Variants in ELFN1 observed in about 807,000 individuals in gnomAD.
The protein encoded by ELFN1 is extracellular leucine rich repeat and fibronectin type III domain containing 1.
In ELFN1, 6 loss-of-function variants were observed where a neutral mutation model predicts 7.6. That is an observed-to-expected ratio of 0.79 (90% CI 0.43 to 1.56). The LOEUF is 1.56. Among genes scored for constraint, ELFN1 ranks in the 40% most tolerant of loss-of-function variants. The pLI, the probability that ELFN1 is intolerant of heterozygous loss-of-function variation, is 0.01. For synonymous variants in ELFN1, 657 were observed against 588.1 expected, an observed-to-expected ratio of 1.12 and a Z score of -1.70; for missense variants, 1,169 against 1,232.2, an observed-to-expected ratio of 0.95 and a Z score of 0.77.
chr7:1,727,381 T>C (rs897549193), intron 3 of ELFN1, among the ~76,000 whole-genome samples: 2 of 152,172 alleles, frequency 1.3e-5, no homozygotes, highest in Non-Finnish European at 2.9e-5. Flanking sequence ...CTCAGCTGTT[T>C]CCAGAGGCCA....
intron 2 of ELFN1, among the ~76,000 whole-genome samples, chr7:1,690,601 T>C (rs1779141454): frequency 6.7e-6 from 1 of 149,012 alleles, no homozygotes; most frequent in African/African-American, 2.5e-5. Flanking sequence ...GGTGGATGGA[T>C]GGATGAATGG....
chr7:1,743,848 T>A (rs1230266650), intron 3 of ELFN1, among the ~76,000 whole-genome samples: 2 of 152,158 alleles, frequency 1.3e-5, no homozygotes, highest in Admixed American at 1.3e-4. Flanking sequence ...CGCACATCCC[T>A]GGCCGCAGCC....
At chr7:1,710,792 G>A (rs946089902) in intron 3 of ELFN1, among the ~76,000 whole-genome samples, 1 of 152,244 alleles carries the variant, frequency 6.6e-6, no homozygotes, top group African/African-American at 2.4e-5. Flanking sequence ...CACTGCTGCT[G>A]TTAGCTCTGT....
At chr7:1,723,194 C>CA (rs1036778915) in intron 3 of ELFN1, among the ~76,000 whole-genome samples, 3 of 152,010 alleles carry the variant, frequency 2.0e-5, no homozygotes, top group Admixed American at 6.6e-5. Flanking sequence ...AACTCCATCT[C>CA]AAAAAAAATT....
At chr7:1,704,580 A>G (rs1019749894) in intron 2 of ELFN1, among the ~76,000 whole-genome samples, 19 of 152,134 alleles carry the variant, frequency 1.2e-4, no homozygotes, top group African/African-American at 4.3e-4. Flanking sequence ...CACCTACAGC[A>G]GTACTAGGTG....
At chr7:1,675,238 C>T (rs1017071632) in intron 1 of ELFN1, among the ~76,000 whole-genome samples, 7 of 152,224 alleles carry the variant, frequency 4.6e-5, no homozygotes, top group African/African-American at 1.7e-4. Context: ...CCAGTGGTAA[C>T]TTCTGTCAGA....
At chr7:1,709,705 T>C (rs1032707750) in intron 3 of ELFN1, among the ~76,000 whole-genome samples, 3 of 152,272 alleles carry the variant, frequency 2.0e-5, no homozygotes, top group African/African-American at 7.2e-5. Context: ...ACTTGCAGTA[T>C]GTATTTGAAG....
upstream of ELFN1, among the ~76,000 whole-genome samples, chr7:1,669,755 C>T (rs1419064757): frequency 6.6e-6 from 1 of 152,218 alleles, no homozygotes; most frequent in African/African-American, 2.4e-5. Flanking sequence ...GGTCCCTGCC[C>T]TCCCGGATAA....
At chr7:1,669,165 G>T (rs936139702), upstream of ELFN1, among the ~76,000 whole-genome samples, 1 of 152,236 alleles carries the variant, frequency 6.6e-6, no homozygotes, top group African/African-American at 2.4e-5. Context: ...GGCGTCGTGG[G>T]CGTTCATTCA....
rs957520778 is a variant in ELFN1, at chr7:1,673,758, G to T, written c.-549+3404G>T. On this transcript the variant is annotated intron_variant, in intron 1 of 3. Transcript: ENST00000424383. The surrounding 1 kb of genome is among the most constrained non-coding windows in gnomAD (Gnocchi z 4.7). The stretch of plus-strand genomic sequence containing the variant: ...GCCTCCTTTCCCTCGGAGATCAGCC[G>T]GTCCAGCCCCTGAAGATGGTCCAGC... 2.0e-5 allele frequency among the ~76,000 whole-genome samples: 3 copies of T among 151,286 alleles called. No homozygotes were observed. The highest frequency in any genetic ancestry group is 4.5e-5 in the Non-Finnish European group (3 of 67,300).
chr7:1,745,247 C>T lies in ELFN1; in HGVS notation c.651C>T (p.Arg217=). The T allele has an allele frequency of 6.5e-7, 1 of 1,540,228 alleles. No individual in the cohort carries two copies. Among genetic ancestry groups the T allele is most frequent in the East Asian group, 2.4e-5 (1 of 40,922 alleles). ...CCAACGCCACACAGACGTACGACCG[C>T]ATGCAGTGCGAGTCGCCGCCCGTCT... The part of the protein sequence containing the change: ...AFTNATQTYD[R]MQCESPPVYS... The change falls in exon 4 of 4, where the codon CGC becomes CGT. Residue 217 remains arginine, a synonymous_variant. Transcript: ENST00000424383.
chr7:1,677,194 G>A (rs887814682), intron 1 of ELFN1, among the ~76,000 whole-genome samples: 6 of 152,200 alleles, frequency 3.9e-5, no homozygotes, highest in African/African-American at 1.4e-4. Context: ...AAGGTTGTGC[G>A]AAGCAAGTCC....
chr7:1,743,597 G>A (rs879264359), intron 3 of ELFN1, among the ~76,000 whole-genome samples: 3 of 152,142 alleles, frequency 2.0e-5, no homozygotes, highest in Non-Finnish European at 4.4e-5. Flanking sequence ...CAGGGCGGGC[G>A]AGCTCAGACC....
upstream of ELFN1, among the ~76,000 whole-genome samples, chr7:1,670,045 G>A (rs1305153552): frequency 6.6e-6 from 1 of 151,554 alleles, no homozygotes; most frequent in Non-Finnish European, 1.5e-5. This position sits in a 1 kb window ranked among gnomAD's most constrained non-coding sequence, Gnocchi z 6.4. Context: ...GGGCTCGGGA[G>A]GCCAGGGAGA....
At chr7:1,721,050 G>GT (rs1402153700) in intron 3 of ELFN1, among the ~76,000 whole-genome samples, 2 of 152,194 alleles carry the variant, frequency 1.3e-5, no homozygotes, top group African/African-American at 4.8e-5. Context: ...TTAATAACAT[G>GT]TTTAAATAAA....
At chr7:1,722,570 C>A (rs1178699063) in intron 3 of ELFN1, among the ~76,000 whole-genome samples, 2 of 151,860 alleles carry the variant, frequency 1.3e-5, no homozygotes, top group African/African-American at 2.4e-5. Flanking sequence ...CGCGCCTGGG[C>A]AGGAGCCACT....
intron 3 of ELFN1, among the ~76,000 whole-genome samples, chr7:1,744,006 C>A (rs549062346): frequency 3.9e-5 from 6 of 152,302 alleles, no homozygotes; most frequent in Non-Finnish European, 8.8e-5. Flanking sequence ...GGAACATGGC[C>A]AAGCAGGCAG....
chr7:1,721,173 T>C (rs1780010184), intron 3 of ELFN1, among the ~76,000 whole-genome samples: 3 of 152,230 alleles, frequency 2.0e-5, no homozygotes, highest in Admixed American at 2.0e-4. Flanking sequence ...TTTAGCAACT[T>C]GCACTGGGGG....
chr7:1,693,116 G>T (rs1339598021), intron 2 of ELFN1: 3 of 346,080 alleles, frequency 8.7e-6, no homozygotes, highest in Non-Finnish European at 5.8e-6. Context: ...TCCTTAAGGG[G>T]TGCAGGCCCC....
Sources: allele counts gnomAD v4.1 joint callset (sites outside exome capture counted in the v4.1 genomes callset), GRCh38; gene constraint gnomAD v4.1.1; non-coding constraint Gnocchi (gnomAD v3.1); transcripts MANE v1.5; gene names NCBI Gene and HGNC (gene_info 2026-07-23, HGNC 2026-07-21).